The following RYR2 variants were observed in gnomAD, a reference collection of about 807,000 sequenced individuals.
The protein encoded by RYR2 is ryanodine receptor 2, also known as cardiac muscle ryanodine receptor-calcium release channel.
RYR2 carries 227 observed loss-of-function variants against 601.1 expected under a neutral mutation model. The observed-to-expected ratio is 0.38, with a 90% CI of 0.34 to 0.42. The LOEUF is 0.42. Among genes scored for constraint, RYR2 ranks in the 10% least tolerant of loss-of-function variants. RYR2 has a pLI of 1.00. For missense variants in RYR2, 4,646 were observed against 6,156.5 expected, an observed-to-expected ratio of 0.75 and a Z score of 8.21; for synonymous variants, 2,223 against 2,175.1, an observed-to-expected ratio of 1.02 and a Z score of -0.61.
At position 237,627,919 on chromosome 1, in the gene RYR2, C is replaced by A. The variant is rs771328006; in HGVS notation, c.6279C>A (p.Asp2093Glu). 4 of 1,613,804 alleles carry A rather than the reference C, an allele frequency of 2.5e-6. No individual in the cohort carries two copies. The South Asian group carries it at 3.3e-5, about 13-fold the overall frequency. Residue 2093 changes from aspartate to glutamate, a missense_variant, in exon 41 of 105, where the codon GAC becomes GAA. Coordinates refer to ENST00000366574, the MANE Select transcript of RYR2 (RefSeq NM_001035.3). The stretch of plus-strand genomic sequence containing the variant: ...TTGTGTTGCTCCATCGGCAGTATGA[C>A]GGCATTGGGGGTCTTGTTCGGGCCC... ...AMFVLLHRQY[D>E]GIGGLVRALP...
chr1:237,828,249 T>G, intron 101 of RYR2, 132 bp from the exon 102 acceptor site: 1 of 583,038 alleles, frequency 1.7e-6, no homozygotes. Context: ...ATCGGATATG[T>G]AGTCACGTTT....
At chr1:237,082,069 G>A (rs191430626) in intron 1 of RYR2, among the ~76,000 whole-genome samples, 1 of 152,258 alleles carries the variant, frequency 6.6e-6, no homozygotes, top group Admixed American at 6.5e-5. Context: ...GGTCCCCAGG[G>A]AGAATCTCAG....
chr1:237,340,589 C>A (rs116227452), intron 3 of RYR2, among the ~76,000 whole-genome samples: 1 of 152,146 alleles, frequency 6.6e-6, no homozygotes, highest in Non-Finnish European at 1.5e-5. Context: ...TCTGAAACTT[C>A]TATTCTCAAA....
Position 237,346,367 on chromosome 1 carries a change from C to CAAAAAAAAAAAAAAAAAAAAA in RYR2, c.274-9581_274-9580insAAAAAAAAAAAAAAAAAAAAA, listed in dbSNP as rs397975831. ...CTGGGCAAAGTGAGAGGGTCTACCT[C>CAAAAAAAAAAAAAAAAAAAAA]AAAAAAAAAAAAAAAAAGTGCATAT... On this transcript the variant is annotated intron_variant, in intron 3 of 104. Transcript: ENST00000366574. Among the ~76,000 whole-genome samples the CAAAAAAAAAAAAAAAAAAAAA allele has an allele frequency of 5.2e-3, 323 of 62,244 alleles. 12 individuals carry two copies. Among genetic ancestry groups the CAAAAAAAAAAAAAAAAAAAAA allele is most frequent in the Non-Finnish European group, 7.5e-3 (222 of 29,754 alleles). The allele number at this position is 62,244 out of a possible 152,430, so 40.8% of individuals were successfully genotyped here. A position where few individuals can be genotyped will look rare whatever the true frequency, so the allele number is the denominator to read the frequency against.
intron 1 of RYR2, among the ~76,000 whole-genome samples, chr1:237,122,542 C>T (rs1558273120): frequency 2.0e-5 from 3 of 152,140 alleles, no homozygotes; most frequent in South Asian, 2.1e-4. Context: ...ATCAGCCAGG[C>T]GTGGTGGCCT....
intron 1 of RYR2, among the ~76,000 whole-genome samples, chr1:237,068,463 A>G (rs887823304): frequency 7.9e-5 from 12 of 152,108 alleles, no homozygotes; most frequent in African/African-American, 2.9e-4. Context: ...AACATTGGTA[A>G]ATTGTCCCTT....
At chr1:237,465,461 G>T (rs1473887530) in intron 16 of RYR2, among the ~76,000 whole-genome samples, 1 of 152,082 alleles carries the variant, frequency 6.6e-6, no homozygotes. Flanking sequence ...GTAAAATCAG[G>T]GAAGTTTCCT....
chr1:237,142,876 A>G (rs1249523217), intron 1 of RYR2, among the ~76,000 whole-genome samples: 1 of 152,110 alleles, frequency 6.6e-6, no homozygotes, highest in Non-Finnish European at 1.5e-5. Context: ...GGAAACCAGC[A>G]TTGCAGGTAA....
chr1:237,617,214 C>A, intron 37 of RYR2, 72 bp from the exon 38 acceptor site: 1 of 1,355,294 alleles, frequency 7.4e-7, no homozygotes, highest in Non-Finnish European at 1.0e-6. Context: ...ATGTTTACCA[C>A]AGATTATGAT....
intron 73 of RYR2, among the ~76,000 whole-genome samples, chr1:237,718,818 T>C (rs931642525): frequency 6.6e-6 from 1 of 152,218 alleles, no homozygotes; most frequent in Non-Finnish European, 1.5e-5. Context: ...AGGGTACATA[T>C]GCACAACATG....
At chr1:237,364,208 C>T (rs1460368948) in intron 4 of RYR2, 150 bp from the exon 5 acceptor site, 18 of 589,694 alleles carry the variant, frequency 3.1e-5, no homozygotes, top group Non-Finnish European at 4.4e-5. Context: ...AGTTTTGTTG[C>T]GATAACATGG....
At chr1:237,304,688 TA>T (rs2149466132) in intron 2 of RYR2, among the ~76,000 whole-genome samples, 2 of 152,206 alleles carry the variant, frequency 1.3e-5, no homozygotes, top group African/African-American at 4.8e-5. Context: ...TACATATAGA[TA>T]GAAAGGAGAA....
At chr1:237,721,128 G>A (rs1689686456) in intron 73 of RYR2, among the ~76,000 whole-genome samples, 1 of 152,144 alleles carries the variant, frequency 6.6e-6, no homozygotes, top group Admixed American at 6.5e-5. Context: ...TCTTGAAATT[G>A]TAGGGCTGTT....
intron 16 of RYR2, among the ~76,000 whole-genome samples, chr1:237,465,406 T>A (rs547913811): frequency 5.3e-5 from 8 of 152,178 alleles, no homozygotes; most frequent in Non-Finnish European, 1.2e-4. Flanking sequence ...GTTCCTCTTG[T>A]TTTGTGATGT....
chr1:237,699,992 C>T (rs1420212117), intron 64 of RYR2, among the ~76,000 whole-genome samples: 2 of 152,176 alleles, frequency 1.3e-5, no homozygotes, highest in African/African-American at 4.8e-5. Flanking sequence ...TTAGCACAGA[C>T]TTTTGCAGCA....
chr1:237,793,700 G>T (rs1442167848), intron 94 of RYR2, among the ~76,000 whole-genome samples, 167 bp from the exon 95 acceptor site: 1 of 151,952 alleles, frequency 6.6e-6, no homozygotes, highest in Non-Finnish European at 1.5e-5. Flanking sequence ...AAACCTTCTA[G>T]ATGCTTCTTC....
At chr1:237,476,711 T>G (rs527436766) in intron 17 of RYR2, among the ~76,000 whole-genome samples, 26 of 152,246 alleles carry the variant, frequency 1.7e-4, no homozygotes, top group African/African-American at 6.3e-4. Flanking sequence ...AGCTGTGAAA[T>G]AAATTGTGCC....
At chr1:237,426,253 T>G (rs1706143229) in intron 12 of RYR2, among the ~76,000 whole-genome samples, 1 of 152,084 alleles carries the variant, frequency 6.6e-6, no homozygotes, top group Non-Finnish European at 1.5e-5. Context: ...GGAAAGACAG[T>G]CAGGGTAGGT....
intron 10 of RYR2, among the ~76,000 whole-genome samples, chr1:237,388,519 T>A (rs1702123438): frequency 6.6e-6 from 1 of 152,218 alleles, no homozygotes; most frequent in Non-Finnish European, 1.5e-5. Context: ...ATTTTCTTTT[T>A]AGAATGTTTA....
Sources: allele counts gnomAD v4.1 joint callset (sites outside exome capture counted in the v4.1 genomes callset), GRCh38; gene constraint gnomAD v4.1.1; transcripts MANE v1.5; gene names NCBI Gene and HGNC (gene_info 2026-07-23, HGNC 2026-07-21).